Variants in UQCC1 observed in about 807,000 individuals in gnomAD.
UQCC1 encodes ubiquinol-cytochrome c reductase complex assembly factor 1, also known as bFGF-repressed Zic-binding protein.
In UQCC1, 38 loss-of-function variants were observed where a neutral mutation model predicts 48.0. The observed-to-expected ratio is 0.79, with a 90% CI of 0.61 to 1.04. The LOEUF is 1.04. UQCC1 is among the 50% of genes least tolerant of loss of function. The probability of loss-of-function intolerance (pLI) is 0.00; values close to 1 mark genes in which losing one functional copy is unlikely to be tolerated. For missense variants in UQCC1, 368 were observed against 381.8 expected (o/e 0.96, Z 0.30); for synonymous variants, 111 against 129.2 (o/e 0.86, Z 0.95).
intron 6 of UQCC1, among the ~76,000 whole-genome samples, chr20:35,353,938 T>G: frequency 6.6e-6 from 1 of 152,228 alleles, no homozygotes; most frequent in Non-Finnish European, 1.5e-5. Context: ...CATTTTTTAT[T>G]TCTTATATTG....
intron 6 of UQCC1, among the ~76,000 whole-genome samples, chr20:35,349,531 T>C (rs761621889): frequency 1.3e-5 from 2 of 152,264 alleles, no homozygotes; most frequent in South Asian, 2.1e-4. Flanking sequence ...GTGAGACTTT[T>C]GTTATACTCA....
At chr20:35,332,143 G>A (rs533297663) in intron 7 of UQCC1, among the ~76,000 whole-genome samples, 3 of 152,196 alleles carry the variant, frequency 2.0e-5, no homozygotes, top group African/African-American at 7.2e-5. Flanking sequence ...AGCACTGAAT[G>A]CCACACTTTA....
chr20:35,385,858 T>C (rs1423090457), intron 2 of UQCC1, among the ~76,000 whole-genome samples: 3 of 151,660 alleles, frequency 2.0e-5, no homozygotes, highest in Non-Finnish European at 2.9e-5. Flanking sequence ...TTTTTTTTTT[T>C]TTAACAGCAG....
chr20:35,390,455 T>C (rs1354401576), intron 2 of UQCC1, among the ~76,000 whole-genome samples: 1 of 147,002 alleles, frequency 6.8e-6, no homozygotes, highest in Non-Finnish European at 1.5e-5. Context: ...AAACAGAAAG[T>C]AGAAAAGCAG....
chr20:35,340,011 A>G (rs1352635951), intron 7 of UQCC1, among the ~76,000 whole-genome samples: 1 of 152,138 alleles, frequency 6.6e-6, no homozygotes, highest in East Asian at 1.9e-4. Flanking sequence ...TGTAACTACA[A>G]GGGTTCTATA....
At chr20:35,360,181 T>C (rs1600942369) in intron 6 of UQCC1, among the ~76,000 whole-genome samples, 1 of 152,174 alleles carries the variant, frequency 6.6e-6, no homozygotes, top group South Asian at 2.1e-4. Flanking sequence ...GCGTGGGTGT[T>C]TGAACACTGC....
intron 7 of UQCC1, among the ~76,000 whole-genome samples, chr20:35,331,213 G>A (rs1009605212): frequency 6.6e-6 from 1 of 152,102 alleles, no homozygotes; most frequent in African/African-American, 2.4e-5. Flanking sequence ...CCACAAGCCA[G>A]CTGATTCCTA....
intron 9 of UQCC1, 147 bp from the exon 10 acceptor site, chr20:35,304,216 C>T (rs1295896567): frequency 1.2e-5 from 12 of 1,024,814 alleles, no homozygotes; most frequent in South Asian, 1.6e-5. Context: ...CAGACCAAGC[C>T]GTCCCAGGCC....
chr20:35,410,755 T>TAA (rs57478774), intron 1 of UQCC1, among the ~76,000 whole-genome samples: 61 of 40,516 alleles, frequency 1.5e-3, no homozygotes, highest in African/African-American at 4.9e-3. Context: ...GGGGAAGGAT[T>TAA]AAAAAAAAAA....
chr20:35,400,121 T>C (rs1053190141), intron 1 of UQCC1, among the ~76,000 whole-genome samples: 106 of 151,970 alleles, frequency 7.0e-4, no homozygotes, highest in African/African-American at 2.5e-3. Flanking sequence ...AGGCGGGGTT[T>C]CACCATGTTG....
At chr20:35,351,201 G>C (rs1174312142) in intron 6 of UQCC1, among the ~76,000 whole-genome samples, 1 of 152,026 alleles carries the variant, frequency 6.6e-6, no homozygotes, top group Non-Finnish European at 1.5e-5. Flanking sequence ...GACCAGCCTG[G>C]CCAATGTGGT....
chr20:35,306,979 A>G (rs1251674362), intron 8 of UQCC1, 200 bp from the exon 9 acceptor site: 2 of 613,824 alleles, frequency 3.3e-6, no homozygotes, highest in East Asian at 3.0e-5. Flanking sequence ...TCATTTTATT[A>G]CATACAGAGG....
chr20:35,316,605 C>A (rs1336259375), intron 7 of UQCC1, among the ~76,000 whole-genome samples: 2 of 152,200 alleles, frequency 1.3e-5, no homozygotes, highest in Non-Finnish European at 2.9e-5. Context: ...GCTATGTACA[C>A]AGGATGTTAT....
Position 35,407,682 on chromosome 20 carries a change from T to C in UQCC1, c.24+4258A>G, listed in dbSNP as rs2062272419. Among the ~76,000 whole-genome samples the C allele has an allele frequency of 2.0e-5, 3 of 152,208 alleles. No individual in the cohort carries two copies. The South Asian group carries it at 6.2e-4, about 32-fold the overall frequency. ...GGGTGGATCACCTGAGGTCAGGAGT[T>C]CAAGACCCGCCTGGCCAACATAGCA... On this transcript the variant is annotated intron_variant, in intron 1 of 9. Transcript: ENST00000374385.
intron 7 of UQCC1, chr20:35,346,215 C>T (rs1568671148): frequency 6.6e-6 from 1 of 152,200 alleles, no homozygotes; most frequent in East Asian, 1.9e-4. Flanking sequence ...TGGGCAGGGA[C>T]AAATAAGGGA....
At chr20:35,316,530 G>A (rs1173812254) in intron 7 of UQCC1, among the ~76,000 whole-genome samples, 1 of 152,144 alleles carries the variant, frequency 6.6e-6, no homozygotes, top group East Asian at 1.9e-4. Context: ...AACTAGTCTC[G>A]GAAGAAATGT....
At chr20:35,347,042 C>T (rs2146388332) in intron 7 of UQCC1, 122 bp downstream of exon 7, 1 of 1,606,152 alleles carries the variant, frequency 6.2e-7, no homozygotes, top group African/African-American at 1.3e-5. Flanking sequence ...GGAACTGCCA[C>T]TTGATATTAG....
At chr20:35,322,066 T>C (rs2061137316) in intron 7 of UQCC1, among the ~76,000 whole-genome samples, 1 of 152,200 alleles carries the variant, frequency 6.6e-6, no homozygotes, top group Admixed American at 6.5e-5. Flanking sequence ...TTTCGTCTCT[T>C]TTAGGGCATT....
chr20:35,366,190 T>C (rs533414996), intron 6 of UQCC1, among the ~76,000 whole-genome samples: 2 of 152,312 alleles, frequency 1.3e-5, no homozygotes, highest in Admixed American at 1.3e-4. Flanking sequence ...TGACCAGCAA[T>C]GAAAATGACC....
Sources: gnomAD v4.1 joint callset for allele counts (sites outside exome capture counted in the v4.1 genomes callset) on GRCh38, gnomAD v4.1.1 for gene constraint, MANE v1.5 for transcripts, NCBI Gene and HGNC (gene_info 2026-07-23, HGNC 2026-07-21) for gene names.